GPC6: variants seen among roughly 807,000 people sequenced by gnomAD.
The protein encoded by GPC6 is glypican 6, also known as glypican-6.
A neutral mutation model predicts 55.2 loss-of-function variants in GPC6; 14 were observed. That is an observed-to-expected ratio of 0.25 (90% CI 0.17 to 0.40). GPC6 has a LOEUF of 0.40. Among genes scored for constraint, GPC6 ranks in the 10% least tolerant of loss-of-function variants. The probability of loss-of-function intolerance (pLI) is 1.00; values close to 1 mark genes in which losing one functional copy is unlikely to be tolerated. For missense variants in GPC6, 641 were observed against 708.5 expected, an observed-to-expected ratio of 0.90 and a Z score of 1.08; for synonymous variants, 278 against 259.6, an observed-to-expected ratio of 1.07 and a Z score of -0.68.
chr13:93,972,663 A>AGATTTTAAGAGTTTGTGTCCTAGG (rs1279635326), intron 3 of GPC6, among the ~76,000 whole-genome samples: 1 of 152,146 alleles, frequency 6.6e-6, no homozygotes, highest in East Asian at 1.9e-4. Flanking sequence ...AAATAAAAAT[A>AGATTTTAAGAGTTTGTGTCCTAGG]GATTTTAAGA....
chr13:94,402,826 G>A (rs577459080), intron 8 of GPC6, among the ~76,000 whole-genome samples, 189 bp from the exon 9 acceptor site: 14 of 152,200 alleles, frequency 9.2e-5, no homozygotes, highest in African/African-American at 3.1e-4. Flanking sequence ...ATCAGATCTC[G>A]TGAGAACTCA....
intron 2 of GPC6, among the ~76,000 whole-genome samples, chr13:93,667,679 C>T (rs1222853385): frequency 6.7e-6 from 1 of 150,236 alleles, no homozygotes; most frequent in African/African-American, 2.5e-5. Flanking sequence ...GTAATCTGCC[C>T]ACCTTGGCCT....
intron 2 of GPC6, among the ~76,000 whole-genome samples, chr13:93,575,931 A>G (rs1408964972): frequency 6.6e-6 from 1 of 152,130 alleles, no homozygotes; most frequent in East Asian, 1.9e-4. Flanking sequence ...TCAACCAACA[A>G]TTTAGTTTGA....
chr13:94,270,139 G>A (rs1891944669), intron 4 of GPC6, among the ~76,000 whole-genome samples: 1 of 152,102 alleles, frequency 6.6e-6, no homozygotes, highest in African/African-American at 2.4e-5. Flanking sequence ...ATCTCTCTAT[G>A]AGAATTCTAT....
chr13:93,308,307 T>C (rs957060482), intron 1 of GPC6, among the ~76,000 whole-genome samples: 9 of 152,256 alleles, frequency 5.9e-5, no homozygotes, highest in Admixed American at 2.6e-4. Context: ...TGGTTATTGT[T>C]AGACAAAAAG....
chr13:93,843,766 C>T (rs1888052289), intron 3 of GPC6, among the ~76,000 whole-genome samples: 1 of 152,092 alleles, frequency 6.6e-6, no homozygotes. Flanking sequence ...CCTTAGCATC[C>T]ATGTTCAGTT....
intron 4 of GPC6, among the ~76,000 whole-genome samples, chr13:94,160,410 G>T (rs1888117264): frequency 1.3e-5 from 2 of 152,186 alleles, no homozygotes; most frequent in Admixed American, 1.3e-4. Context: ...AGGAAGTAAA[G>T]CATTTACAAG....
At chr13:93,409,390 C>G (rs1876411886) in intron 1 of GPC6, among the ~76,000 whole-genome samples, 1 of 152,102 alleles carries the variant, frequency 6.6e-6, no homozygotes, top group African/African-American at 2.4e-5. Context: ...GTCACACTTG[C>G]AACTTGTGCC....
At chr13:94,325,238 G>A (rs1158233958) in intron 6 of GPC6, among the ~76,000 whole-genome samples, 1 of 152,114 alleles carries the variant, frequency 6.6e-6, no homozygotes, top group African/African-American at 2.4e-5. Context: ...TATTTTTAGT[G>A]CCCAGAGCAA....
At chr13:94,379,112 A>T (rs1311926623) in intron 6 of GPC6, among the ~76,000 whole-genome samples, 1 of 152,232 alleles carries the variant, frequency 6.6e-6, no homozygotes, top group Non-Finnish European at 1.5e-5. Context: ...CAGAGCAGTT[A>T]CATATATTAT....
intron 4 of GPC6, among the ~76,000 whole-genome samples, chr13:94,144,813 AT>A (rs1887505347): frequency 6.6e-6 from 1 of 152,142 alleles, no homozygotes; most frequent in African/African-American, 2.4e-5. Context: ...AGAATAAAGA[AT>A]TTTAGCAGTT....
intron 1 of GPC6, among the ~76,000 whole-genome samples, chr13:93,453,734 G>A (rs889896529): frequency 2.0e-5 from 3 of 151,702 alleles, no homozygotes; most frequent in Non-Finnish European, 2.9e-5. Context: ...TCCTCCCGGT[G>A]GGCTCGTGGT....
chr13:93,339,048 T>G (rs1003412615), intron 1 of GPC6, among the ~76,000 whole-genome samples: 1 of 152,148 alleles, frequency 6.6e-6, no homozygotes, highest in South Asian at 2.1e-4. Flanking sequence ...ACGTTTCCAG[T>G]GATGAAAGGC....
At chr13:93,333,135 G>T (rs1879912882) in intron 1 of GPC6, among the ~76,000 whole-genome samples, 1 of 152,152 alleles carries the variant, frequency 6.6e-6, no homozygotes, top group African/African-American at 2.4e-5. Flanking sequence ...CAGGTAGTGT[G>T]ATGTCTCCAG....
intron 4 of GPC6, among the ~76,000 whole-genome samples, chr13:94,250,666 G>T (rs1891320965): frequency 6.6e-6 from 1 of 152,124 alleles, no homozygotes; most frequent in Admixed American, 6.6e-5. Context: ...CAACTCCCCT[G>T]TGAGAAAAAC....
intron 4 of GPC6, among the ~76,000 whole-genome samples, chr13:94,048,718 G>A (rs1883824106): frequency 6.6e-6 from 1 of 152,030 alleles, no homozygotes. Flanking sequence ...GCAATGTCTA[G>A]GTGTGCAGCA....
intron 1 of GPC6, among the ~76,000 whole-genome samples, chr13:93,468,567 A>G (rs555254245): frequency 1.7e-4 from 26 of 152,208 alleles, no homozygotes; most frequent in Middle Eastern, 3.4e-3. Flanking sequence ...AGTACTGTGC[A>G]TTTAATATGT....
chr13:94,348,906 G>T (rs758421067), intron 6 of GPC6, among the ~76,000 whole-genome samples: 2 of 152,076 alleles, frequency 1.3e-5, no homozygotes, highest in Non-Finnish European at 2.9e-5. Context: ...GAGCAAAAAC[G>T]AAACACCCTA....
intron 4 of GPC6, among the ~76,000 whole-genome samples, chr13:94,031,112 G>A (rs993131385): frequency 6.7e-5 from 10 of 149,890 alleles, no homozygotes; most frequent in African/African-American, 2.2e-4. Flanking sequence ...GTGCGTGCAT[G>A]TGTGTGTGTG....
Sources: allele counts gnomAD v4.1 joint callset (sites outside exome capture counted in the v4.1 genomes callset), GRCh38; gene constraint gnomAD v4.1.1; transcripts MANE v1.5; gene names NCBI Gene and HGNC (gene_info 2026-07-23, HGNC 2026-07-21).